LEPR: variants seen among roughly 807,000 people sequenced by gnomAD.
The protein encoded by LEPR is leptin receptor.
A neutral mutation model predicts 114.7 loss-of-function variants in LEPR; 56 were observed. The ratio of observed to expected loss-of-function variants is 0.49; its 90% CI spans 0.39 to 0.61. LEPR has a LOEUF of 0.61. Ranked by LOEUF, LEPR falls within the 20% of genes least tolerant of loss-of-function variation. The pLI is 0.00. For missense variants in LEPR, 1,202 were observed against 1,352.9 expected, an observed-to-expected ratio of 0.89 and a Z score of 1.75; for synonymous variants, 443 against 461.4, an observed-to-expected ratio of 0.96 and a Z score of 0.51.
At chr1:65,625,238 T>C (rs1012142549) in intron 19 of LEPR, among the ~76,000 whole-genome samples, 1 of 152,140 alleles carries the variant, frequency 6.6e-6, no homozygotes, top group Non-Finnish European at 1.5e-5. Flanking sequence ...ATATGAGAAA[T>C]AAGACAGTGA....
intron 19 of LEPR, among the ~76,000 whole-genome samples, chr1:65,632,647 A>T (rs542501953): frequency 6.6e-6 from 1 of 152,094 alleles, no homozygotes; most frequent in Admixed American, 6.6e-5. Flanking sequence ...AAAAAGGGAG[A>T]CACTTGGACC....
intron 19 of LEPR, among the ~76,000 whole-genome samples, chr1:65,631,054 C>A (rs778875272): frequency 1.3e-5 from 2 of 152,044 alleles, no homozygotes; most frequent in African/African-American, 4.8e-5. Flanking sequence ...AGTAGACAGG[C>A]TGACTGGGAG....
At chr1:65,580,818 G>C (rs192838509) in intron 5 of LEPR, among the ~76,000 whole-genome samples, 4 of 152,286 alleles carry the variant, frequency 2.6e-5, no homozygotes, top group East Asian at 3.9e-4. Context: ...AGGTGAAGAG[G>C]GGGCAGAGGA....
intron 2 of LEPR, among the ~76,000 whole-genome samples, chr1:65,501,902 C>G (rs1648472423): frequency 6.6e-6 from 1 of 151,950 alleles, no homozygotes; most frequent in African/African-American, 2.4e-5. Flanking sequence ...GGTGGTGGAG[C>G]CTTTAAAAAT....
intron 2 of LEPR, among the ~76,000 whole-genome samples, chr1:65,467,063 G>A (rs1054301273): frequency 6.6e-6 from 1 of 152,078 alleles, no homozygotes; most frequent in Non-Finnish European, 1.5e-5. Context: ...CGTCCAGTTC[G>A]TTTCCTTGCT....
chr1:65,452,387 C>T (rs1283403293), intron 2 of LEPR, among the ~76,000 whole-genome samples: 5 of 145,816 alleles, frequency 3.4e-5, no homozygotes, highest in African/African-American at 1.0e-4. Flanking sequence ...CCAGTTTTTG[C>T]CCATTCAGTA....
intron 2 of LEPR, among the ~76,000 whole-genome samples, chr1:65,477,651 G>A (rs899838013): frequency 1.3e-5 from 2 of 152,186 alleles, no homozygotes; most frequent in African/African-American, 2.4e-5. Flanking sequence ...CAAGTGCAAG[G>A]CCATACTGAA....
chr1:65,496,862 G>A (rs1347296663), intron 2 of LEPR, among the ~76,000 whole-genome samples: 3 of 152,078 alleles, frequency 2.0e-5, no homozygotes, highest in African/African-American at 7.2e-5. Context: ...CAACCTGGGA[G>A]CTGCTTAGAA....
chr1:65,488,226 C>CTCTCTCTCTTTCTTTCTT lies in LEPR; in HGVS notation c.-21+62851_-21+62852insCTCTCTTTCTTTCTTTCT, dbSNP rs1553157734. Among the ~76,000 whole-genome samples, 47 of 67,948 alleles carry CTCTCTCTCTTTCTTTCTT rather than the reference C, an allele frequency of 6.9e-4. 2 individuals are homozygous for CTCTCTCTCTTTCTTTCTT. The highest frequency in any genetic ancestry group is 1.7e-3 in the South Asian group (3 of 1,752). The allele number at this position is 67,948 out of a possible 152,430, so 44.6% of individuals were successfully genotyped here. On this transcript the variant is annotated intron_variant, in intron 2 of 19. Coordinates refer to ENST00000349533, the MANE Select transcript of LEPR (RefSeq NM_002303.6). ...TTTCTTTCTTTCTCTCTCTCTCTCT[C>CTCTCTCTCTTTCTTTCTT]TCTTTCTTTCTTTCTTTCTTTCTTT...
chr1:65,613,073 C>A (rs1657278183), intron 14 of LEPR, among the ~76,000 whole-genome samples: 1 of 152,114 alleles, frequency 6.6e-6, no homozygotes, highest in South Asian at 2.1e-4. Flanking sequence ...ATTTAGTGTT[C>A]TTCTGCATGG....
intron 2 of LEPR, among the ~76,000 whole-genome samples, chr1:65,451,731 T>C (rs1646788126): frequency 6.6e-6 from 1 of 151,942 alleles, no homozygotes. Flanking sequence ...AGCTTTGTTC[T>C]TTTGGCTTAG....
intron 5 of LEPR, among the ~76,000 whole-genome samples, chr1:65,579,725 G>A (rs570787467): frequency 1.1e-4 from 16 of 152,262 alleles, no homozygotes; most frequent in South Asian, 6.2e-4. Context: ...TTAAAGCCCC[G>A]TGAATATGTG....
chr1:65,630,779 A>G (rs1295757788), intron 19 of LEPR, among the ~76,000 whole-genome samples: 1 of 151,822 alleles, frequency 6.6e-6, no homozygotes, highest in Admixed American at 6.6e-5. Flanking sequence ...TTTATATACT[A>G]TTATTTTTGT....
At chr1:65,542,108 A>G (rs1209213226) in intron 2 of LEPR, among the ~76,000 whole-genome samples, 2 of 152,196 alleles carry the variant, frequency 1.3e-5, no homozygotes, top group Non-Finnish European at 2.9e-5. Flanking sequence ...AGTAAGCATG[A>G]TTAATATGCT....
At chr1:65,592,275 G>T (rs1570768704) in intron 5 of LEPR, among the ~76,000 whole-genome samples, 1 of 95,876 alleles carries the variant, frequency 1.0e-5, no homozygotes, top group African/African-American at 3.7e-5. Flanking sequence ...TTTGCCTGAT[G>T]GATTGCCTTT....
chr1:65,553,956 C>T (rs1652620198), intron 2 of LEPR, among the ~76,000 whole-genome samples: 1 of 152,192 alleles, frequency 6.6e-6, no homozygotes, highest in Non-Finnish European at 1.5e-5. Context: ...TTCTACCAGT[C>T]AGGCCCTTCT....
intron 2 of LEPR, among the ~76,000 whole-genome samples, chr1:65,509,617 C>T (rs974065416): frequency 3.3e-5 from 5 of 152,030 alleles, no homozygotes; most frequent in Admixed American, 3.3e-4. Flanking sequence ...GTTTAGTCTC[C>T]TTGACTTTAA....
intron 5 of LEPR, among the ~76,000 whole-genome samples, chr1:65,592,211 A>G (rs142356074): frequency 1.3e-4 from 20 of 149,796 alleles, no homozygotes; most frequent in Non-Finnish European, 3.0e-5. Context: ...AGTTAAATTT[A>G]ATTTCTTTGT....
chr1:65,504,391 C>T (rs1648618677), intron 2 of LEPR, among the ~76,000 whole-genome samples: 1 of 152,150 alleles, frequency 6.6e-6, no homozygotes, highest in Non-Finnish European at 1.5e-5. Flanking sequence ...ATAAACACTA[C>T]CTCAGCCAGG....
Sources: gnomAD v4.1 joint callset for allele counts (sites outside exome capture counted in the v4.1 genomes callset) on GRCh38, gnomAD v4.1.1 for gene constraint, MANE v1.5 for transcripts, NCBI Gene and HGNC (gene_info 2026-07-23, HGNC 2026-07-21) for gene names.